Variants in SARS2 observed in about 807,000 individuals in gnomAD.
SARS2 encodes the protein seryl-tRNA synthetase 2, mitochondrial.
A neutral mutation model predicts 66.8 loss-of-function variants in SARS2; 52 were observed. The ratio of observed to expected loss-of-function variants is 0.78; its 90% CI spans 0.62 to 0.98. The LOEUF (loss-of-function observed/expected upper bound fraction) is 0.98. Ranked by LOEUF, SARS2 falls within the 50% of genes least tolerant of loss-of-function variation. SARS2 has a pLI of 0.00. For missense variants in SARS2, 673 were observed against 706.3 expected, an observed-to-expected ratio of 0.95 and a Z score of 0.53; for synonymous variants, 306 against 281.4, an observed-to-expected ratio of 1.09 and a Z score of -0.87.
At position 38,930,564 on chromosome 19, in the gene SARS2, A is replaced by C. The variant is rs1005101081; in HGVS notation, c.173T>G (p.Leu58Arg). The C allele has an allele frequency of 1.2e-6, 2 of 1,613,904 alleles. No individual in the cohort carries two copies. The highest frequency in any genetic ancestry group is 4.5e-5 in the East Asian group (2 of 44,880). ...GCATGCGCAGAACCGCTCTATGTCC[A>C]GCTGAGGGAGTGCGCTGTAGCCCTC... ...AREGYSALPQ[L>R]DIERFCACPE... Residue 58 changes from leucine (L) to arginine (R), a missense_variant, in exon 1 of 16, where the codon CTG (leucine) becomes CGG (arginine). Physicochemically the swap from Leu to Arg is moderately radical, Grantham distance 102. Transcript: ENST00000221431.
intron 12 of SARS2, among the ~76,000 whole-genome samples, chr19:38,917,413 GAA>G (rs1007197894): frequency 6.6e-6 from 1 of 152,202 alleles, no homozygotes; most frequent in African/African-American, 2.4e-5. Flanking sequence ...ACTGGGAGGT[GAA>G]AAAGTATCTT....
chr19:38,924,707 G>A (rs1311552796), intron 2 of SARS2, among the ~76,000 whole-genome samples: 3 of 152,066 alleles, frequency 2.0e-5, no homozygotes, highest in Admixed American at 6.6e-5. Flanking sequence ...GTGATGGTGC[G>A]ATCATAGCTA....
intron 5 of SARS2, 92 bp from the exon 6 acceptor site, chr19:38,920,241 C>A: frequency 1.0e-6 from 1 of 995,632 alleles, no homozygotes; most frequent in Non-Finnish European, 1.5e-6. Flanking sequence ...AGAGGAGGGA[C>A]GGTGAGAGAA....
At chr19:38,915,981 A>G (rs1974406623) in intron 14 of SARS2, 56 bp downstream of exon 14, 12 of 1,612,320 alleles carry the variant, frequency 7.4e-6, no homozygotes, top group Non-Finnish European at 1.0e-5. Context: ...GGGTGGGTCT[A>G]GGGCGGCAGA....
At chr19:38,921,490 G>A (rs1974534933) in intron 4 of SARS2, 37 bp downstream of exon 4, 1 of 1,614,040 alleles carries the variant, frequency 6.2e-7, no homozygotes, top group African/African-American at 1.3e-5. Flanking sequence ...GCACTAGGTG[G>A]GCCCCTGGCC....
chr19:38,916,410 C>T (rs1421606996), intron 12 of SARS2, 96 bp from the exon 13 acceptor site: 5 of 1,103,156 alleles, frequency 4.5e-6, no homozygotes, highest in Non-Finnish European at 5.4e-6. Context: ...AGCCAAAAAG[C>T]AGGAAAAAGC....
rs1491099086 is a variant in SARS2 at position 38,920,664 on chromosome 19, CAG to C, written c.590-517_590-516del. Among the ~76,000 whole-genome samples the C allele has an allele frequency of 3.3e-5, 5 of 151,746 alleles. No homozygotes were observed. The East Asian group carries it at 7.8e-4, about 24-fold the overall frequency. On this transcript the variant is annotated intron_variant, in intron 5 of 15. Transcript: ENST00000221431. Reference sequence around the variant, plus strand: ...AGAGACAGACACATACACAGACACGCAGAGACAGACACACAGATACACGGATA... The same window carrying C: ...AGAGACAGACACATACACAGACACGCAGACAGACACACAGATACACGGATA...
intron 2 of SARS2, among the ~76,000 whole-genome samples, chr19:38,923,516 C>T (rs1038081027): frequency 6.6e-6 from 1 of 151,008 alleles, no homozygotes; most frequent in Non-Finnish European, 1.5e-5. Flanking sequence ...GCCACCGCGC[C>T]CGGCCTCAGG....
rs747979441 is a variant in SARS2 at position 38,915,890 on chromosome 19, C to T, written c.1364G>A (p.Cys455Tyr). The T allele has an allele frequency of 1.9e-6, 3 of 1,613,906 alleles. No individual in the cohort carries two copies. The highest frequency in any genetic ancestry group is 1.1e-5 in the South Asian group (1 of 91,082). ...CGCGATGAGAAGGCGGGGGACAGCA[C>T]AGGCGGTGGCGTTCACCTGTGAGAC... ...QFAHTVNATA[C>Y]AVPRLLIALL... is the part of the protein sequence containing the mutation. Residue 455 changes from cysteine (C) to tyrosine (Y), a missense_variant, in exon 15 of 16, where the codon TGT becomes TAT. Cys to Tyr is a radical substitution (Grantham distance 194, BLOSUM62 -2). Transcript: ENST00000221431.
At chr19:38,925,448 C>T (rs185231676) in intron 2 of SARS2, among the ~76,000 whole-genome samples, 6 of 152,314 alleles carry the variant, frequency 3.9e-5, no homozygotes, top group African/African-American at 7.2e-5. Flanking sequence ...CAGCCTATGC[C>T]GGCTGCCGGA....
chr19:38,926,376 T>C, intron 1 of SARS2, 76 bp from the exon 2 acceptor site: 1 of 1,390,674 alleles, frequency 7.2e-7, no homozygotes, highest in Non-Finnish European at 1.0e-6. Flanking sequence ...ACTGGCCACC[T>C]GGACCTGCGG....
Position 38,923,756 on chromosome 19 carries a change from G to A in SARS2, c.364-1489C>T, listed in dbSNP as rs574213002. Among the ~76,000 whole-genome samples, 6 of 151,686 alleles carry A rather than the reference G, an allele frequency of 4.0e-5. No homozygotes were observed. The East Asian group carries it at 7.9e-4, about 20-fold the overall frequency. Reference sequence around the variant, plus strand: ...AGCACTTTGGAAGGCTGAGGCGGGCGGATCACGAGGTCAGGAGATCGAGAC... The same window carrying A: ...AGCACTTTGGAAGGCTGAGGCGGGCAGATCACGAGGTCAGGAGATCGAGAC... On this transcript the variant is annotated intron_variant, in intron 2 of 15. Transcript: ENST00000221431.
rs561046447 is a variant in SARS2, at chr19:38,919,872, GAGAC to G, written c.654-9_654-6del. On this transcript the variant is annotated splice_region_variant and splice_polypyrimidine_tract_variant and intron_variant, in intron 6 of 15. Coordinates refer to ENST00000221431, the MANE Select transcript of SARS2 (RefSeq NM_017827.4). ...CCAGACACGTGGGACAGGCGCCTGG[GAGAC>G]AGACAGACAGGCGGGTGCACATGGG... 39 of 1,612,166 alleles carry G rather than the reference GAGAC, an allele frequency of 2.4e-5. 1 individual carries two copies. Among genetic ancestry groups the G allele is most frequent in the South Asian group, 4.4e-5 (4 of 90,990 alleles).
intron 1 of SARS2, among the ~76,000 whole-genome samples, chr19:38,926,846 T>C (rs1255995705): frequency 6.6e-6 from 1 of 151,886 alleles, no homozygotes; most frequent in African/African-American, 2.4e-5. Context: ...TGTGGCACTT[T>C]GGGAGGCCTA....
chr19:38,918,601 C>A (rs1974463489), intron 8 of SARS2, 71 bp from the exon 9 acceptor site: 3 of 1,391,788 alleles, frequency 2.2e-6, no homozygotes, highest in South Asian at 2.4e-5. Flanking sequence ...CAGTCCCAAC[C>A]CCAGCTCCTC....
intron 6 of SARS2, 82 bp downstream of exon 6, chr19:38,920,004 G>A (rs1568424925): frequency 5.0e-6 from 7 of 1,404,616 alleles, no homozygotes; most frequent in Admixed American, 2.0e-5. Flanking sequence ...CACATCTCAC[G>A]CTGAGGCCAA....
chr19:38,923,215 T>TTTTC, intron 2 of SARS2, among the ~76,000 whole-genome samples: 7 of 115,656 alleles, frequency 6.1e-5, no homozygotes, highest in African/African-American at 2.4e-4. Flanking sequence ...TGATCTCAGG[T>TTTTC]TTTCTTTTTT....
chr19:38,927,455 G>T (rs1974647330), intron 1 of SARS2, among the ~76,000 whole-genome samples: 1 of 151,828 alleles, frequency 6.6e-6, no homozygotes, highest in East Asian at 1.9e-4. Flanking sequence ...AGCTACTTGG[G>T]AGGCTGAGGT....
rs960419345 is a variant in SARS2 at position 38,921,846 on chromosome 19, A to G, written c.394-179T>C. The G allele has an allele frequency of 2.3e-6, 3 of 1,325,624 alleles. No homozygotes were observed. In the African/African-American group the frequency reaches 4.4e-5, roughly 19 times the overall value. 82.1% of individuals were successfully genotyped at this position (1,325,624 alleles called of 1,614,324 possible). The stretch of plus-strand genomic sequence containing the variant: ...CACCACATGGCAGGTTTGTGGGGAA[A>G]AGAATCAGGCCTGGCCAACTAGAAC... On this transcript the variant is annotated intron_variant, in intron 3 of 15. Coordinates refer to ENST00000221431, the MANE Select transcript of SARS2 (RefSeq NM_017827.4).
Sources: gnomAD v4.1 joint callset for allele counts (sites outside exome capture counted in the v4.1 genomes callset) on GRCh38, gnomAD v4.1.1 for gene constraint, MANE v1.5 for transcripts, NCBI Gene and HGNC (gene_info 2026-07-23, HGNC 2026-07-21) for gene names.